Variants in KLRG2 observed in about 807,000 individuals in gnomAD.
KLRG2 encodes the protein killer cell lectin-like receptor subfamily G member 2.
Under a neutral mutation model 35.4 loss-of-function variants are expected in KLRG2, and 39 were observed. That is an observed-to-expected ratio of 1.10 (90% CI 0.85 to 1.44). The LOEUF (loss-of-function observed/expected upper bound fraction) is 1.44, where lower values mean the gene tolerates loss of function less well. Among genes scored for constraint, KLRG2 ranks in the 40% most tolerant of loss-of-function variants. The pLI is 0.00. For synonymous variants in KLRG2, 283 were observed against 265.8 expected (o/e 1.06, Z -0.63); for missense variants, 632 against 570.9 (o/e 1.11, Z -1.09).
chr7:139,442,316 G>A, the KLRG2 span, among the ~76,000 whole-genome samples: 1 of 152,320 alleles, frequency 6.6e-6, no homozygotes, highest in South Asian at 2.1e-4. Flanking sequence ...CGGACAGGAG[G>A]AGTGAAGGTT....
chr7:139,469,966 T>C (rs1796728631), intron 3 of KLRG2, among the ~76,000 whole-genome samples: 1 of 151,840 alleles, frequency 6.6e-6, no homozygotes, highest in South Asian at 2.1e-4. Flanking sequence ...ATTCCCTACA[T>C]AAGAGGTGGA....
the KLRG2 span, among the ~76,000 whole-genome samples, chr7:139,432,408 T>C: frequency 6.6e-6 from 1 of 152,126 alleles, no homozygotes; most frequent in Non-Finnish European, 1.5e-5. Flanking sequence ...CGCTGTAAAC[T>C]GATTCCTCTT....
At chr7:139,471,043 T>TA (rs1240656054) in intron 3 of KLRG2, among the ~76,000 whole-genome samples, 2 of 151,786 alleles carry the variant, frequency 1.3e-5, no homozygotes, top group African/African-American at 2.4e-5. Flanking sequence ...AGATAGGGTT[T>TA]CACCATATTG....
At chr7:139,470,258 C>A (rs1796733827) in intron 3 of KLRG2, among the ~76,000 whole-genome samples, 1 of 152,066 alleles carries the variant, frequency 6.6e-6, no homozygotes, top group African/African-American at 2.4e-5. Context: ...CGGGATTTCA[C>A]CATGTTGGCC....
chr7:139,431,055 AAAGGAAGGGATTACTGACAC>A, the KLRG2 span, among the ~76,000 whole-genome samples: 3 of 151,956 alleles, frequency 2.0e-5, no homozygotes, highest in Non-Finnish European at 4.4e-5. Flanking sequence ...ACATCTCTAT[AAAGGAAGGGATTACTGACAC>A]AAGCAGCAAC....
the KLRG2 span, among the ~76,000 whole-genome samples, chr7:139,427,282 A>G: frequency 6.6e-6 from 1 of 152,160 alleles, no homozygotes; most frequent in African/African-American, 2.4e-5. Context: ...GCACACTGGC[A>G]TGTTCTCCAG....
chr7:139,456,457 C>T (rs1796478762), intron 3 of KLRG2, among the ~76,000 whole-genome samples: 1 of 152,174 alleles, frequency 6.6e-6, no homozygotes, highest in African/African-American at 2.4e-5. Flanking sequence ...CCACCGTCTC[C>T]CGTGTTCAAG....
At chr7:139,453,995 C>T (rs562723543) in intron 4 of KLRG2, 116 bp downstream of exon 4, 100 of 747,826 alleles carry the variant, frequency 1.3e-4, no homozygotes, top group Non-Finnish European at 1.9e-4. Context: ...CGAGCATGGG[C>T]GTGGGCTGCT....
chr7:139,440,411 C>CTTTT, the KLRG2 span, among the ~76,000 whole-genome samples: 725 of 40,470 alleles, frequency 0.018, 221 homozygotes, highest in African/African-American at 0.097. Flanking sequence ...CCACACCTGG[C>CTTTT]TTTTTTTTTT....
chr7:139,450,982 T>A (rs528607965), downstream of KLRG2, among the ~76,000 whole-genome samples: 2 of 152,194 alleles, frequency 1.3e-5, no homozygotes, highest in South Asian at 4.2e-4. Flanking sequence ...TATGAGGAAG[T>A]CCAAGCAGCC....
At chr7:139,436,868 C>T in the KLRG2 span, among the ~76,000 whole-genome samples, 9 of 152,224 alleles carry the variant, frequency 5.9e-5, no homozygotes, top group African/African-American at 9.6e-5. Context: ...ATGTTGGCTA[C>T]GACACTGCCA....
the KLRG2 span, among the ~76,000 whole-genome samples, chr7:139,442,480 G>C: frequency 3.4e-4 from 52 of 152,318 alleles, no homozygotes; most frequent in African/African-American, 1.2e-3. Context: ...GGGAGGCCAA[G>C]GTGGGAGGAT....
At chr7:139,442,710 T>C in the KLRG2 span, among the ~76,000 whole-genome samples, 1 of 152,086 alleles carries the variant, frequency 6.6e-6, no homozygotes, top group African/African-American at 2.4e-5. Flanking sequence ...AGCCAGGCAT[T>C]GTGGCACACA....
chr7:139,438,726 A>T, the KLRG2 span, among the ~76,000 whole-genome samples: 1 of 148,288 alleles, frequency 6.7e-6, no homozygotes, highest in Non-Finnish European at 1.5e-5. Flanking sequence ...CCCAGGCTGG[A>T]GTGCAATGGC....
At chr7:139,458,708 CG>C (rs1426587032) in intron 3 of KLRG2, among the ~76,000 whole-genome samples, 1 of 152,216 alleles carries the variant, frequency 6.6e-6, no homozygotes, top group Admixed American at 6.5e-5. Flanking sequence ...GCATCGGGCT[CG>C]AGTTCAGTGT....
chr7:139,429,575 C>T, the KLRG2 span, among the ~76,000 whole-genome samples: 1 of 151,396 alleles, frequency 6.6e-6, no homozygotes, highest in African/African-American at 2.4e-5. Flanking sequence ...GGTGATGACT[C>T]TTAACGAGCA....
the KLRG2 span, among the ~76,000 whole-genome samples, chr7:139,437,420 A>C: frequency 1.8e-5 from 2 of 108,940 alleles, no homozygotes; most frequent in African/African-American, 5.2e-5. Flanking sequence ...GGGAGACTCC[A>C]TCTCCAAAAA....
intron 3 of KLRG2, among the ~76,000 whole-genome samples, chr7:139,474,634 G>A (rs6975554): frequency 0.034 from 5,239 of 152,048 alleles, 328 homozygotes; most frequent in African/African-American, 0.12. Context: ...GTTGGCACAC[G>A]CCTGTAATTC....
At position 139,482,262 on chromosome 7, in the gene KLRG2, C is replaced by A. The variant is rs530841855; in HGVS notation, c.757+624G>T. ...GGGGGGATCTGGGCTGCCACCCCTG[C>A]CACCTGATCCTGAATGACTTCCCCT... On this transcript the variant is annotated intron_variant, in intron 1 of 4. Coordinates refer to ENST00000340940, the MANE Select transcript of KLRG2 (RefSeq NM_198508.4). 2.6e-5 allele frequency among the ~76,000 whole-genome samples: 4 copies of A among 152,358 alleles called. 2 individuals are homozygous for A. The South Asian group carries it at 8.3e-4, about 32-fold the overall frequency.
Sources: allele counts gnomAD v4.1 joint callset (sites outside exome capture counted in the v4.1 genomes callset), GRCh38; gene constraint gnomAD v4.1.1; transcripts MANE v1.5; gene names NCBI Gene and HGNC (gene_info 2026-07-23, HGNC 2026-07-21).